SORCS3: variants seen among roughly 807,000 people sequenced by gnomAD.
SORCS3 encodes sortilin related VPS10 domain containing receptor 3.
In SORCS3, 57 loss-of-function variants were observed where a neutral mutation model predicts 146.3. That is an observed-to-expected ratio of 0.39 (90% confidence interval 0.31 to 0.49). SORCS3 has a LOEUF of 0.49. SORCS3 is among the 20% of genes least tolerant of loss of function. SORCS3 has a pLI of 0.92. For missense variants in SORCS3, 1,341 were observed against 1,575.5 expected (o/e 0.85, Z 2.52); for synonymous variants, 653 against 618.5 (o/e 1.06, Z -0.83).
chr10:104,956,104 A>G (rs1670419977), intron 3 of SORCS3, among the ~76,000 whole-genome samples: 2 of 152,178 alleles, frequency 1.3e-5, no homozygotes, highest in Admixed American at 6.5e-5. Context: ...CACAATGGTA[A>G]CGTGGGATAT....
Position 104,879,148 on chromosome 10 carries a change from G to T in SORCS3, c.695+36289G>T, listed in dbSNP as rs1406214518. 5.3e-5 allele frequency among the ~76,000 whole-genome samples: 8 copies of T among 152,218 alleles called. No homozygotes were observed. In the South Asian group the frequency reaches 1.7e-3, roughly 32 times the overall value. Reference sequence around the variant, plus strand: ...AACTATTGTAACAAATTACCAACATGTAGTGGCATAAAATAACAGAAGTTT... The same window carrying T: ...AACTATTGTAACAAATTACCAACATTTAGTGGCATAAAATAACAGAAGTTT... On this transcript the variant is annotated intron_variant, in intron 2 of 26. Coordinates refer to ENST00000369701, the MANE Select transcript of SORCS3 (RefSeq NM_014978.3).
chr10:104,679,388 A>G (rs1338451394), intron 1 of SORCS3, among the ~76,000 whole-genome samples: 1 of 152,180 alleles, frequency 6.6e-6, no homozygotes, highest in Non-Finnish European at 1.5e-5. Context: ...TGAATCAGGA[A>G]TATTACCAGA....
intron 1 of SORCS3, among the ~76,000 whole-genome samples, chr10:104,751,924 C>CATACAT (rs1554848908): frequency 7.8e-5 from 3 of 38,464 alleles, no homozygotes; most frequent in Non-Finnish European, 2.0e-4. Flanking sequence ...TAATAGGAAG[C>CATACAT]ATATATATAT....
intron 20 of SORCS3, among the ~76,000 whole-genome samples, chr10:105,223,942 G>A (rs1197972012): frequency 6.6e-6 from 1 of 152,190 alleles, no homozygotes; most frequent in Non-Finnish European, 1.5e-5. Flanking sequence ...TTTTTGAGGA[G>A]TTGTAAGTTC....
intron 4 of SORCS3, among the ~76,000 whole-genome samples, chr10:105,036,233 T>C (rs1332507505): frequency 6.6e-6 from 1 of 152,122 alleles, no homozygotes; most frequent in East Asian, 1.9e-4. Context: ...TCATCCATCA[T>C]GACTCAGCTT....
intron 6 of SORCS3, among the ~76,000 whole-genome samples, chr10:105,091,997 G>T (rs1294343408): frequency 1.3e-5 from 2 of 152,168 alleles, no homozygotes; most frequent in Non-Finnish European, 2.9e-5. Flanking sequence ...CTGACCTGGT[G>T]TAGGAATCCC....
chr10:105,153,745 A>G (rs1389032830), intron 9 of SORCS3, among the ~76,000 whole-genome samples: 3 of 151,904 alleles, frequency 2.0e-5, no homozygotes, highest in Non-Finnish European at 4.4e-5. Flanking sequence ...CAGTGACTAA[A>G]TAACTGGACC....
In SORCS3 at chr10:104,915,918, A is replaced by T. The variant is rs773396740; in HGVS notation, c.781A>T (p.Thr261Ser). Residue 261 changes from threonine (T) to serine (S), a missense_variant, in exon 3 of 27, where the codon ACC becomes TCC. By Grantham distance (58) the Thr-to-Ser change is moderately conservative. Transcript: ENST00000369701. ...CCTCAGTTACCTCTATGTCAATCCA[A>T]CCAACAAAAGGAAGGTAAGAGACTG... ...TVLSYLYVNP[T>S]NKRKIMLLSD... 25 of 1,613,976 alleles carry T rather than the reference A, an allele frequency of 1.5e-5. No individual in the cohort carries two copies. Among genetic ancestry groups the T allele is most frequent in the Non-Finnish European group, 2.0e-5 (24 of 1,179,888 alleles).
At chr10:105,058,262 C>T (rs1564744386) in intron 5 of SORCS3, among the ~76,000 whole-genome samples, 1 of 152,192 alleles carries the variant, frequency 6.6e-6, no homozygotes, top group Non-Finnish European at 1.5e-5. Flanking sequence ...CAATAATTGT[C>T]AATGAGTGGG....
chr10:104,696,087 ATATATAATATATCATATACACATAT>A (rs1200867921), intron 1 of SORCS3, among the ~76,000 whole-genome samples: 7 of 15,454 alleles, frequency 4.5e-4, no homozygotes, highest in East Asian at 4.0e-3. Flanking sequence ...TCATATACAC[ATATATAATATATCATATACACATAT>A]TATATATAAT....
chr10:105,133,298 T>C (rs2056035022), intron 7 of SORCS3, among the ~76,000 whole-genome samples: 1 of 152,200 alleles, frequency 6.6e-6, no homozygotes, highest in Admixed American at 6.5e-5. Context: ...TCAAAGTCTT[T>C]CTGCTTAAGC....
intron 4 of SORCS3, among the ~76,000 whole-genome samples, chr10:104,996,816 A>G (rs1356536984): frequency 1.3e-5 from 2 of 152,296 alleles, no homozygotes; most frequent in Admixed American, 1.3e-4. Context: ...ATAATAGAAA[A>G]AAAAATTTTT....
chr10:104,648,743 ATTAT>A (rs1207905498), intron 1 of SORCS3, among the ~76,000 whole-genome samples: 1 of 152,218 alleles, frequency 6.6e-6, no homozygotes, highest in Non-Finnish European at 1.5e-5. Flanking sequence ...TTTGGATTTA[ATTAT>A]TTATAGAAAT....
intron 3 of SORCS3, among the ~76,000 whole-genome samples, chr10:104,923,902 C>T (rs1481620417): frequency 6.6e-6 from 1 of 152,136 alleles, no homozygotes; most frequent in Non-Finnish European, 1.5e-5. Flanking sequence ...AATAATAATA[C>T]AAGAAGGAGC....
chr10:105,051,373 G>A (rs1311638882), intron 5 of SORCS3, among the ~76,000 whole-genome samples: 1 of 152,052 alleles, frequency 6.6e-6, no homozygotes, highest in Non-Finnish European at 1.5e-5. Context: ...AATGTGGTTG[G>A]AGTGAATACT....
intron 3 of SORCS3, among the ~76,000 whole-genome samples, chr10:104,972,700 CA>C (rs2054868081): frequency 6.6e-6 from 1 of 151,952 alleles, no homozygotes; most frequent in South Asian, 2.1e-4. Context: ...CAGAAGACCA[CA>C]AAAAATGTTC....
chr10:104,684,443 T>G (rs985635469), intron 1 of SORCS3, among the ~76,000 whole-genome samples: 2 of 152,284 alleles, frequency 1.3e-5, no homozygotes, highest in African/African-American at 4.8e-5. Flanking sequence ...TTCCTCCAAT[T>G]TTTCAACATT....
chr10:104,959,931 T>C (rs1564722676), intron 3 of SORCS3, among the ~76,000 whole-genome samples: 1 of 152,190 alleles, frequency 6.6e-6, no homozygotes, highest in Non-Finnish European at 1.5e-5. Context: ...GTACAGTTCC[T>C]GCATGGGTGA....
chr10:104,828,560 A>T (rs2017965234), intron 1 of SORCS3, among the ~76,000 whole-genome samples: 1 of 152,172 alleles, frequency 6.6e-6, no homozygotes, highest in Admixed American at 6.5e-5. Context: ...TGTTGTGAGA[A>T]TTTCCAAAAT....
Sources: gnomAD v4.1 joint callset for allele counts (sites outside exome capture counted in the v4.1 genomes callset) on GRCh38, gnomAD v4.1.1 for gene constraint, MANE v1.5 for transcripts, NCBI Gene and HGNC (gene_info 2026-07-23, HGNC 2026-07-21) for gene names.